The following WDR70 variants were observed in gnomAD, a reference collection of about 807,000 sequenced individuals.
The protein encoded by WDR70 is WD repeat domain 70.
In WDR70, 53 loss-of-function variants were observed where a neutral mutation model predicts 88.6. That is an observed-to-expected ratio of 0.60 (90% CI 0.48 to 0.75). The LOEUF is 0.75. Among genes scored for constraint, WDR70 ranks in the 30% least tolerant of loss-of-function variants. The pLI, the probability that WDR70 is intolerant of heterozygous loss-of-function variation, is 0.00. For missense variants in WDR70, 610 were observed against 823.2 expected, an observed-to-expected ratio of 0.74 and a Z score of 3.17; for synonymous variants, 280 against 270.0, an observed-to-expected ratio of 1.04 and a Z score of -0.36.
chr5:37,540,632 G>A (rs1224017933), intron 9 of WDR70, among the ~76,000 whole-genome samples: 5 of 152,130 alleles, frequency 3.3e-5, no homozygotes, highest in Non-Finnish European at 4.4e-5. Flanking sequence ...CACCCGCCTC[G>A]GCCTCCCAAA....
chr5:37,412,185 G>A (rs1749546938), intron 5 of WDR70, among the ~76,000 whole-genome samples: 1 of 151,974 alleles, frequency 6.6e-6, no homozygotes, highest in South Asian at 2.1e-4. Flanking sequence ...TCAGGAGTTC[G>A]AGACCAGCCT....
At chr5:37,424,378 C>T (rs1750055274) in intron 5 of WDR70, among the ~76,000 whole-genome samples, 1 of 146,528 alleles carries the variant, frequency 6.8e-6, no homozygotes, top group African/African-American at 2.5e-5. Flanking sequence ...CAGTACTGCA[C>T]TTTGCAAGTG....
chr5:37,471,744 ATAAT>A (rs1039517690), intron 7 of WDR70, among the ~76,000 whole-genome samples: 17 of 152,034 alleles, frequency 1.1e-4, no homozygotes, highest in African/African-American at 3.6e-4. Context: ...TTAAAAGTTA[ATAAT>A]TAATGCCTAC....
At chr5:37,514,585 C>T (rs1740830332) in intron 8 of WDR70, among the ~76,000 whole-genome samples, 2 of 151,596 alleles carry the variant, frequency 1.3e-5, no homozygotes, top group Admixed American at 1.3e-4. Context: ...GTGCTGTTCC[C>T]CCGACAGTGT....
chr5:37,467,220 C>A (rs146048127), intron 7 of WDR70, among the ~76,000 whole-genome samples: 5,145 of 95,824 alleles, frequency 0.054, 316 homozygotes, highest in African/African-American at 0.14. Context: ...GAATGAGACT[C>A]TGTCTCAAAA....
At chr5:37,487,745 C>T (rs778113613) in intron 8 of WDR70, among the ~76,000 whole-genome samples, 3 of 151,108 alleles carry the variant, frequency 2.0e-5, no homozygotes, top group Non-Finnish European at 4.4e-5. Flanking sequence ...CCTGCCTCAG[C>T]CTCCCGAGTA....
At chr5:37,632,650 ATG>A (rs1744849078) in intron 10 of WDR70, among the ~76,000 whole-genome samples, 1 of 152,222 alleles carries the variant, frequency 6.6e-6, no homozygotes, top group African/African-American at 2.4e-5. Context: ...TAGCTATACA[ATG>A]TGTGTTTTAT....
intron 17 of WDR70, among the ~76,000 whole-genome samples, chr5:37,740,261 G>T (rs1166061409): frequency 6.6e-6 from 1 of 152,160 alleles, no homozygotes; most frequent in Admixed American, 6.5e-5. Flanking sequence ...AAATGTCCTA[G>T]ATAGCTCTGA....
chr5:37,538,483 G>A (rs1741727883), intron 9 of WDR70, among the ~76,000 whole-genome samples: 1 of 152,212 alleles, frequency 6.6e-6, no homozygotes, highest in African/African-American at 2.4e-5. Flanking sequence ...AATTGGTTTA[G>A]ATGCAGTTGG....
At chr5:37,644,816 A>G (rs972565701) in intron 10 of WDR70, among the ~76,000 whole-genome samples, 1 of 151,832 alleles carries the variant, frequency 6.6e-6, no homozygotes, top group African/African-American at 2.4e-5. Context: ...ATTGGTTGTA[A>G]TAGCTCCTTT....
chr5:37,460,733 AAG>A (rs1738971525), intron 7 of WDR70, among the ~76,000 whole-genome samples: 1 of 151,524 alleles, frequency 6.6e-6, no homozygotes, highest in South Asian at 2.1e-4. Flanking sequence ...TAAAAACAAA[AAG>A]AAAACAGCAG....
intron 10 of WDR70, among the ~76,000 whole-genome samples, chr5:37,661,016 A>G (rs1250466560): frequency 6.6e-6 from 1 of 152,258 alleles, no homozygotes; most frequent in African/African-American, 2.4e-5. Flanking sequence ...TTTCATGCAA[A>G]TACTACACCA....
intron 10 of WDR70, among the ~76,000 whole-genome samples, chr5:37,647,959 A>G (rs920388987): frequency 3.3e-5 from 5 of 152,196 alleles, no homozygotes; most frequent in African/African-American, 7.2e-5. Context: ...AATCGCTATC[A>G]TGAGAACAGC....
intron 9 of WDR70, among the ~76,000 whole-genome samples, chr5:37,543,239 G>C (rs10941343): frequency 0.53 from 81,023 of 151,932 alleles, 22,514 homozygotes; most frequent in Non-Finnish European, 0.61. Context: ...CTAGCTGGCT[G>C]GTTGATGTGT....
intron 10 of WDR70, among the ~76,000 whole-genome samples, chr5:37,695,971 T>A (rs1260750053): frequency 6.6e-6 from 1 of 152,242 alleles, no homozygotes; most frequent in Non-Finnish European, 1.5e-5. Context: ...GTCTCTGATT[T>A]ATTTTTGCCC....
At chr5:37,585,135 T>G (rs1336581714) in intron 9 of WDR70, among the ~76,000 whole-genome samples, 1 of 151,542 alleles carries the variant, frequency 6.6e-6, no homozygotes, top group East Asian at 1.9e-4. Context: ...GGATTACAGG[T>G]GCACACCACC....
At chr5:37,707,211 A>G (rs1747354066) in intron 13 of WDR70, among the ~76,000 whole-genome samples, 1 of 152,210 alleles carries the variant, frequency 6.6e-6, no homozygotes, top group South Asian at 2.1e-4. Flanking sequence ...CAATTGTACC[A>G]GTATATTACC....
At chr5:37,492,489 A>T (rs1020267282) in intron 8 of WDR70, among the ~76,000 whole-genome samples, 1 of 152,204 alleles carries the variant, frequency 6.6e-6, no homozygotes, top group Admixed American at 6.5e-5. Context: ...CTATGATTAC[A>T]TTGTGTGACA....
intron 17 of WDR70, among the ~76,000 whole-genome samples, chr5:37,733,428 A>T (rs1173314584): frequency 2.6e-5 from 4 of 152,062 alleles, no homozygotes; most frequent in African/African-American, 9.7e-5. Context: ...TAGAGTTCTA[A>T]TTTACTTATT....
Sources: gnomAD v4.1 joint callset for allele counts (sites outside exome capture counted in the v4.1 genomes callset) on GRCh38, gnomAD v4.1.1 for gene constraint, MANE v1.5 for transcripts, NCBI Gene and HGNC (gene_info 2026-07-23, HGNC 2026-07-21) for gene names.